Variants in PRMT3 observed in about 807,000 individuals in gnomAD.
The protein encoded by PRMT3 is protein arginine N-methyltransferase 3.
In PRMT3, 62 loss-of-function variants were observed where a neutral mutation model predicts 71.9. That is an observed-to-expected ratio of 0.86 (90% CI 0.70 to 1.07). The LOEUF (loss-of-function observed/expected upper bound fraction) is 1.07, where lower values mean the gene tolerates loss of function less well. Among genes scored for constraint, PRMT3 ranks in the 50% least tolerant of loss-of-function variants. The pLI is 0.00. For synonymous variants in PRMT3, 213 were observed against 220.4 expected (o/e 0.97, Z 0.30); for missense variants, 663 against 643.0 (o/e 1.03, Z -0.34).
At chr11:20,429,001 A>C (rs969344225) in intron 10 of PRMT3, among the ~76,000 whole-genome samples, 6 of 151,912 alleles carry the variant, frequency 3.9e-5, no homozygotes, top group African/African-American at 1.5e-4. Context: ...TGGTTGTCTC[A>C]CTCTCTTGAT....
At chr11:20,483,043 A>T (rs1338689687) in intron 13 of PRMT3, among the ~76,000 whole-genome samples, 1 of 152,084 alleles carries the variant, frequency 6.6e-6, no homozygotes, top group African/African-American at 2.4e-5. Flanking sequence ...CATTTCAGAA[A>T]ATAGGGTATA....
At chr11:20,388,736 CTG>C (rs1402490494) in intron 2 of PRMT3, among the ~76,000 whole-genome samples, 3 of 152,218 alleles carry the variant, frequency 2.0e-5, no homozygotes, top group South Asian at 2.1e-4. Context: ...AGGAAAAAGA[CTG>C]TAGTATCAAT....
chr11:20,413,128 C>G (rs1849231193), intron 9 of PRMT3, among the ~76,000 whole-genome samples: 1 of 152,128 alleles, frequency 6.6e-6, no homozygotes, highest in African/African-American at 2.4e-5. Flanking sequence ...CAACATTGTA[C>G]TGTTTCTTCA....
chr11:20,401,592 A>G (rs1848950586), intron 7 of PRMT3, among the ~76,000 whole-genome samples: 1 of 152,184 alleles, frequency 6.6e-6, no homozygotes, highest in Admixed American at 6.5e-5. Context: ...TATGAGTTGT[A>G]TAAAATTTTG....
intron 5 of PRMT3, among the ~76,000 whole-genome samples, chr11:20,395,305 G>C (rs1036846894): frequency 4.0e-5 from 6 of 151,708 alleles, no homozygotes; most frequent in Non-Finnish European, 7.4e-5. Flanking sequence ...CATGCTCTTT[G>C]AATTCAAATT....
chr11:20,430,458 A>G (rs12226056), intron 10 of PRMT3, among the ~76,000 whole-genome samples: 7,142 of 152,288 alleles, frequency 0.047, 270 homozygotes, highest in East Asian at 0.2. Flanking sequence ...TTTTCTAGAT[A>G]AGAATGTAAT....
intron 11 of PRMT3, among the ~76,000 whole-genome samples, chr11:20,456,080 A>G (rs779988004): frequency 1.1e-4 from 16 of 152,188 alleles, no homozygotes; most frequent in Non-Finnish European, 2.4e-4. Context: ...AGAATATGCT[A>G]TAAGCAAAGT....
chr11:20,403,146 A>G (rs936529377), intron 8 of PRMT3, among the ~76,000 whole-genome samples, 162 bp downstream of exon 8: 8 of 152,228 alleles, frequency 5.3e-5, no homozygotes, highest in Non-Finnish European at 7.3e-5. Context: ...TACCAATAAC[A>G]AATGCTGATT....
At chr11:20,424,154 A>T (rs1849490290) in intron 9 of PRMT3, among the ~76,000 whole-genome samples, 1 of 147,574 alleles carries the variant, frequency 6.8e-6, no homozygotes, top group South Asian at 2.2e-4. Flanking sequence ...ACTGCACTCC[A>T]GCCTGGGCAA....
chr11:20,452,126 G>T lies in PRMT3; in HGVS notation c.994-4G>T, dbSNP rs1303730958. ...AACTCTTTTTTTCCCCTTTTTTTATGCAGGGCTATTTTCTTCTGTTTGAGT... is the reference window on the plus strand; with the variant it reads ...AACTCTTTTTTTCCCCTTTTTTTATTCAGGGCTATTTTCTTCTGTTTGAGT... On this transcript the variant is annotated splice_polypyrimidine_tract_variant and splice_region_variant and intron_variant, in intron 10 of 15. Transcript: ENST00000331079. 2.5e-6 allele frequency: 4 copies of T among 1,591,840 alleles called. No homozygotes were observed. Among genetic ancestry groups the T allele is most frequent in the Admixed American group, 1.7e-5 (1 of 59,246 alleles).
chr11:20,502,865 A>T (rs530506855), intron 15 of PRMT3, among the ~76,000 whole-genome samples: 1 of 152,280 alleles, frequency 6.6e-6, no homozygotes, highest in African/African-American at 2.4e-5. Context: ...AGGTAAATGC[A>T]CCAGATTTTT....
intron 5 of PRMT3, chr11:20,393,957 A>T (rs1848771134): frequency 6.6e-6 from 1 of 152,240 alleles, no homozygotes; most frequent in African/African-American, 2.4e-5. Context: ...TGAATGATGC[A>T]GTTTTTAAAC....
At chr11:20,495,912 A>G in intron 15 of PRMT3, among the ~76,000 whole-genome samples, 1 of 152,250 alleles carries the variant, frequency 6.6e-6, no homozygotes, top group Non-Finnish European at 1.5e-5. Context: ...TTGGGGGAAG[A>G]AAATACATAA....
In PRMT3 at chr11:20,493,989, T is replaced by G; in HGVS notation, c.1398+20T>G. 2 of 1,539,024 alleles carry G rather than the reference T, an allele frequency of 1.3e-6. No individual in the cohort carries two copies. Among genetic ancestry groups the G allele is most frequent in the Non-Finnish European group, 1.8e-6 (2 of 1,118,790 alleles). ...AACAGGGTAAGTATCATGAATTATCTCATAAGAATTAATTATTACAGAAGT... is the reference window on the plus strand; with the variant it reads ...AACAGGGTAAGTATCATGAATTATCGCATAAGAATTAATTATTACAGAAGT... On this transcript the variant is annotated intron_variant, in intron 14 of 15. Coordinates refer to ENST00000331079, the MANE Select transcript of PRMT3 (RefSeq NM_005788.4).
intron 9 of PRMT3, among the ~76,000 whole-genome samples, chr11:20,413,851 A>G (rs1329570790): frequency 2.0e-5 from 3 of 152,028 alleles, no homozygotes; most frequent in Admixed American, 6.6e-5. Flanking sequence ...ACATCAGTCA[A>G]CAAAAACAGC....
chr11:20,431,070 C>G (rs1470229389), intron 10 of PRMT3, among the ~76,000 whole-genome samples: 1 of 152,138 alleles, frequency 6.6e-6, no homozygotes, highest in Admixed American at 6.5e-5. Context: ...TATATTTCCT[C>G]TATGTTTTCA....
intron 7 of PRMT3, among the ~76,000 whole-genome samples, chr11:20,399,416 G>A (rs1848900652): frequency 1.3e-5 from 2 of 152,076 alleles, no homozygotes; most frequent in Admixed American, 1.3e-4. Flanking sequence ...GTAGGTAATG[G>A]CATAACATTA....
intron 8 of PRMT3, among the ~76,000 whole-genome samples, chr11:20,404,235 T>TTG (rs1565196874): frequency 8.7e-6 from 1 of 114,962 alleles, no homozygotes; most frequent in African/African-American, 3.4e-5. Context: ...TTTTTTTTTT[T>TTG]TTTTTTTTTT....
At chr11:20,488,933 T>A (rs1851143582) in intron 13 of PRMT3, among the ~76,000 whole-genome samples, 1 of 152,194 alleles carries the variant, frequency 6.6e-6, no homozygotes, top group Admixed American at 6.5e-5. Flanking sequence ...GTTTTCTTTT[T>A]GTGAAATCCA....
Sources: gnomAD v4.1 joint callset for allele counts (sites outside exome capture counted in the v4.1 genomes callset) on GRCh38, gnomAD v4.1.1 for gene constraint, MANE v1.5 for transcripts, NCBI Gene and HGNC (gene_info 2026-07-23, HGNC 2026-07-21) for gene names.